The following DOCK10 variants were observed in gnomAD, a reference collection of about 807,000 sequenced individuals.
The protein encoded by DOCK10 is dedicator of cytokinesis protein 10.
In DOCK10, 145 loss-of-function variants were observed where a neutral mutation model predicts 280.1. The ratio of observed to expected loss-of-function variants is 0.52; its 90% CI spans 0.45 to 0.59. DOCK10 has a LOEUF of 0.59. Ranked by LOEUF, DOCK10 falls within the 20% of genes least tolerant of loss-of-function variation. The pLI is 0.00. For missense variants in DOCK10, 2,368 were observed against 2,651.7 expected (o/e 0.89, Z 2.35); for synonymous variants, 915 against 942.2 (o/e 0.97, Z 0.53).
At chr2:224,812,989 A>G (rs1431274871) in intron 31 of DOCK10, among the ~76,000 whole-genome samples, 1 of 152,158 alleles carries the variant, frequency 6.6e-6, no homozygotes, top group Non-Finnish European at 1.5e-5. Flanking sequence ...TATCAGGATG[A>G]TGCTGGCCTC....
At chr2:225,014,987 G>A (rs1689551903) in intron 1 of DOCK10, among the ~76,000 whole-genome samples, 1 of 152,180 alleles carries the variant, frequency 6.6e-6, no homozygotes. Flanking sequence ...ATATTTGAAT[G>A]TGGTTATAAT....
intron 1 of DOCK10, among the ~76,000 whole-genome samples, chr2:224,949,987 T>C (rs750269661): frequency 3.9e-5 from 6 of 152,140 alleles, no homozygotes; most frequent in Admixed American, 6.5e-5. Flanking sequence ...ATAGAATCAA[T>C]TGAAGGTAGA....
At chr2:224,896,908 TA>T (rs535568134) in intron 3 of DOCK10, among the ~76,000 whole-genome samples, 6 of 152,148 alleles carry the variant, frequency 3.9e-5, no homozygotes, top group Non-Finnish European at 8.8e-5. Flanking sequence ...TTCCATTAAA[TA>T]GGGGGAACTA....
chr2:224,886,965 G>A (rs1699339742), intron 4 of DOCK10, among the ~76,000 whole-genome samples: 1 of 150,890 alleles, frequency 6.6e-6, no homozygotes, highest in African/African-American at 2.5e-5. Flanking sequence ...GTTTTGTGAT[G>A]TTGGTCAGGC....
chr2:224,876,098 T>A lies in DOCK10; in HGVS notation c.871A>T (p.Ile291Phe), dbSNP rs773654651. The A allele has an allele frequency of 6.2e-7, 1 of 1,613,848 alleles. No homozygotes were observed. Among genetic ancestry groups the A allele is most frequent in the African/African-American group, 1.3e-5 (1 of 74,916 alleles). Residue 291 changes from isoleucine to phenylalanine, a missense_variant, in exon 8 of 56, where the codon ATC (isoleucine) becomes TTC (phenylalanine). This residue lies in a region of DOCK10 where 1,209 missense variants were observed against 1,250.9 expected (regional missense o/e 0.97). Coordinates refer to ENST00000258390, the MANE Select transcript of DOCK10 (RefSeq NM_014689.3). ...WIHTLNRILQISPEGPLQGRR... is the reference protein window; with the variant it reads ...WIHTLNRILQFSPEGPLQGRR... ...CCTTGGAGGGGCCCCTCAGGACTGATTTGCAGAATGCGGTTGAGGGTGTGG... is the reference window on the plus strand; with the variant it reads ...CCTTGGAGGGGCCCCTCAGGACTGAATTGCAGAATGCGGTTGAGGGTGTGG...
intron 1 of DOCK10, among the ~76,000 whole-genome samples, chr2:224,937,004 TG>T (rs1265837931): frequency 3.9e-5 from 6 of 152,094 alleles, no homozygotes; most frequent in East Asian, 1.9e-4. Flanking sequence ...CACAAAACCC[TG>T]GGGAAAGGAG....
chr2:224,938,786 G>A (rs1488457777), intron 1 of DOCK10, among the ~76,000 whole-genome samples: 7 of 152,180 alleles, frequency 4.6e-5, no homozygotes, highest in South Asian at 2.1e-4. Context: ...ATGCACGGCC[G>A]CAGCTGTCAG....
At chr2:224,797,239 T>C (rs1574837694) in intron 42 of DOCK10, 93 bp from the exon 43 acceptor site, 3 of 872,824 alleles carry the variant, frequency 3.4e-6, no homozygotes, top group South Asian at 3.2e-5. Context: ...ACAAAATCCC[T>C]CTCCTTTTTT....
At position 224,805,446 on chromosome 2, in the gene DOCK10, T is replaced by C; in HGVS notation, c.3898A>G (p.Asn1300Asp). 6.2e-7 allele frequency: 1 copy of C among 1,612,820 alleles called. No individual in the cohort carries two copies. ...TCCGTCTTCTCACTGCTCTTCTCATTGGTACTTGGATTGGAGTCAAGACTT... is the reference window on the plus strand; with the variant it reads ...TCCGTCTTCTCACTGCTCTTCTCATCGGTACTTGGATTGGAGTCAAGACTT... ...LASLDSNPSTNEKSSEKTDNC... is the reference protein window; with the variant it reads ...LASLDSNPSTDEKSSEKTDNC... Residue 1300 changes from asparagine to aspartate, a missense_variant, in exon 35 of 56, where the codon AAT becomes GAT. By Grantham distance (23) the Asn-to-Asp change is conservative. Coordinates refer to ENST00000258390, the MANE Select transcript of DOCK10 (RefSeq NM_014689.3). This position sits in a 1 kb window ranked among gnomAD's most constrained non-coding sequence, Gnocchi z 4.3.
rs955489966 is a variant in DOCK10 at position 224,838,120 on chromosome 2, A to T, written c.2781-289T>A. Reference sequence around the variant, plus strand: ...TATCACAATGGAGACTTTTTGTCCAAGTTGAATGTGCTAATTATGGTCTGT... The same window carrying T: ...TATCACAATGGAGACTTTTTGTCCATGTTGAATGTGCTAATTATGGTCTGT... On this transcript the variant is annotated intron_variant, in intron 24 of 55. Coordinates refer to ENST00000258390, the MANE Select transcript of DOCK10 (RefSeq NM_014689.3). 1.1e-4 allele frequency among the ~76,000 whole-genome samples: 17 copies of T among 152,234 alleles called. 1 individual carries two copies. Among genetic ancestry groups the T allele is most frequent in the African/African-American group, 4.1e-4 (17 of 41,462 alleles).
chr2:224,860,342 G>GA, intron 14 of DOCK10, among the ~76,000 whole-genome samples: 1 of 152,236 alleles, frequency 6.6e-6, no homozygotes, highest in South Asian at 2.1e-4. Context: ...GACTTGGTGA[G>GA]ATAGATATGA....
At chr2:224,965,066 C>G (rs939870719) in intron 1 of DOCK10, among the ~76,000 whole-genome samples, 2 of 152,228 alleles carry the variant, frequency 1.3e-5, no homozygotes, top group African/African-American at 2.4e-5. Flanking sequence ...CATTAATCAA[C>G]TTTTCCATTG....
At chr2:224,893,083 C>T (rs374176444) in intron 4 of DOCK10, among the ~76,000 whole-genome samples, 4 of 152,200 alleles carry the variant, frequency 2.6e-5, no homozygotes, top group African/African-American at 9.7e-5. Flanking sequence ...TATAGGCAGC[C>T]TCATTTCTCT....
intron 1 of DOCK10, among the ~76,000 whole-genome samples, chr2:225,023,971 T>C (rs1040390686): frequency 2.0e-5 from 3 of 152,286 alleles, no homozygotes; most frequent in East Asian, 1.9e-4. Context: ...AAGTGACCAA[T>C]AACGGGACAA....
At chr2:224,851,458 TAAAAAAAAAAAAAAAGACTC>T (rs1696734000) in intron 18 of DOCK10, among the ~76,000 whole-genome samples, 6 of 139,474 alleles carry the variant, frequency 4.3e-5, no homozygotes, top group Non-Finnish European at 1.5e-5. Context: ...TTTTTTTTTT[TAAAAAAAAAAAAAAAGACTC>T]TTTTTTATAT....
intron 17 of DOCK10, 109 bp downstream of exon 17, chr2:224,852,826 T>A (rs1574939757): frequency 1.0e-6 from 1 of 966,116 alleles, no homozygotes; most frequent in Non-Finnish European, 1.5e-6. Context: ...CGGTTTTCTA[T>A]GACAGAGTGT....
intron 31 of DOCK10, 88 bp from the exon 32 acceptor site, chr2:224,808,174 A>C (rs552144908): frequency 8.4e-7 from 1 of 1,192,832 alleles, no homozygotes; most frequent in African/African-American, 1.5e-5. Context: ...ACTACCATCA[A>C]CTTCTTCCAC....
At chr2:224,991,540 G>A (rs1476269156) in intron 1 of DOCK10, among the ~76,000 whole-genome samples, 2 of 152,002 alleles carry the variant, frequency 1.3e-5, no homozygotes, top group Non-Finnish European at 2.9e-5. Flanking sequence ...TGCAAGTCAA[G>A]GCTCAAAAAC....
At chr2:225,029,913 G>A (rs1690029968) in intron 1 of DOCK10, among the ~76,000 whole-genome samples, 1 of 152,064 alleles carries the variant, frequency 6.6e-6, no homozygotes, top group Non-Finnish European at 1.5e-5. Context: ...GGAGGCTGAG[G>A]CGGGTGGATC....
Sources: gnomAD v4.1 joint callset for allele counts (sites outside exome capture counted in the v4.1 genomes callset) on GRCh38, gnomAD v4.1.1 for gene constraint, gnomAD v4.1.1 regional missense constraint, Gnocchi (gnomAD v3.1) non-coding constraint, MANE v1.5 for transcripts, NCBI Gene and HGNC (gene_info 2026-07-23, HGNC 2026-07-21) for gene names.